ESR2: variants seen among roughly 807,000 people sequenced by gnomAD.
ESR2 encodes the protein estrogen receptor 2.
A neutral mutation model predicts 49.6 loss-of-function variants in ESR2; 36 were observed. That is an observed-to-expected ratio of 0.73 (90% CI 0.56 to 0.96). ESR2 has a LOEUF of 0.96. ESR2 is among the 40% of genes least tolerant of loss of function. The pLI is 0.00. For missense variants in ESR2, 714 were observed against 693.0 expected (o/e 1.03, Z -0.34); for synonymous variants, 320 against 266.1 (o/e 1.20, Z -1.97).
Position 64,313,350 on chromosome 14 carries a change from T to A in ESR2, c.-91+24548A>T, listed in dbSNP as rs372723478. On this transcript the variant is annotated intron_variant, in intron 1 of 8. Transcript: ENST00000358599. Reference sequence around the variant, plus strand: ...GAGATTGAAAGCAGCCTGGCCAACATGGCAAAACCCCATCTCTAATAAAAA... The same window carrying A: ...GAGATTGAAAGCAGCCTGGCCAACAAGGCAAAACCCCATCTCTAATAAAAA... Among the ~76,000 whole-genome samples the A allele has an allele frequency of 2.0e-5, 3 of 151,774 alleles. No individual in the cohort carries two copies. The East Asian group carries it at 5.8e-4, about 29-fold the overall frequency.
chr14:64,287,978 C>G (rs937941191), intron 1 of ESR2, among the ~76,000 whole-genome samples: 1 of 152,182 alleles, frequency 6.6e-6, no homozygotes, highest in African/African-American at 2.4e-5. Flanking sequence ...AGAACCAGTA[C>G]CCAGACATCC....
chr14:64,258,142 G>A (rs1236314705), intron 5 of ESR2, among the ~76,000 whole-genome samples: 3 of 152,114 alleles, frequency 2.0e-5, no homozygotes, highest in Admixed American at 1.3e-4. Flanking sequence ...CCAGGAGGTC[G>A]AGGCTGTAGT....
chr14:64,332,350 T>TATC (rs1399737508), intron 1 of ESR2: 2 of 152,172 alleles, frequency 1.3e-5, no homozygotes, highest in Non-Finnish European at 2.9e-5. Context: ...AAATGAAAGG[T>TATC]ATCAATTGGT....
At chr14:64,289,596 G>A (rs1023029570) in intron 1 of ESR2, among the ~76,000 whole-genome samples, 1 of 152,144 alleles carries the variant, frequency 6.6e-6, no homozygotes, top group African/African-American at 2.4e-5. Context: ...GATGAAGCCA[G>A]TCTATTGGTA....
chr14:64,269,720 C>T (rs1341758802), intron 3 of ESR2, among the ~76,000 whole-genome samples: 4 of 152,156 alleles, frequency 2.6e-5, no homozygotes, highest in Admixed American at 2.6e-4. Flanking sequence ...AACTCAAAGA[C>T]ACAGAAGTAC....
rs542635660 is a variant in ESR2, at chr14:64,312,781, C to G, written c.-91+25117G>C. On this transcript the variant is annotated intron_variant, in intron 1 of 8. Transcript: ENST00000358599. ...AAAATTATCCAGGCATGGTGGTGCA[C>G]ATCTGCAATTCCAGCTACTTGGGAG... Among the ~76,000 whole-genome samples, 20 of 152,178 alleles carry G rather than the reference C, an allele frequency of 1.3e-4. No individual in the cohort carries two copies. The South Asian group carries it at 1.5e-3, about 11-fold the overall frequency.
At chr14:64,333,365 A>T (rs1278971166) in intron 1 of ESR2, among the ~76,000 whole-genome samples, 1 of 152,168 alleles carries the variant, frequency 6.6e-6, no homozygotes, top group African/African-American at 2.4e-5. Context: ...TTAAAGATAC[A>T]ATATGTTCCT....
chr14:64,237,322 G>A (rs1041216251), intron 7 of ESR2, among the ~76,000 whole-genome samples: 1 of 152,166 alleles, frequency 6.6e-6, no homozygotes, highest in Non-Finnish European at 1.5e-5. Flanking sequence ...GCATGCTAAT[G>A]TATGTTTTAG....
chr14:64,260,683 G>C lies in ESR2; in HGVS notation c.718C>G (p.His240Asp). Residue 240 changes from histidine (H) to aspartate (D), a missense_variant, in exon 5 of 9, where the codon CAC (histidine) becomes GAC (aspartate). His to Asp is a moderately conservative substitution (Grantham distance 81, BLOSUM62 -1). Transcript: ENST00000341099. Reference protein sequence around the residue: ...RRQRSADEQLHCAGKAKRSGG... With the variant: ...RRQRSADEQLDCAGKAKRSGG... ...CTTCTCTTGGCCTTGCCGGCACAGT[G>C]CAGCTGCTCGTCGGCACTTCTCTGT... is the stretch of plus-strand genomic sequence containing the variant. The C allele has an allele frequency of 4.5e-6, 7 of 1,556,992 alleles. No individual in the cohort carries two copies. Among genetic ancestry groups the C allele is most frequent in the Admixed American group, 3.8e-5 (2 of 52,866 alleles).
At chr14:64,260,413 C>CA in intron 5 of ESR2, 36 bp downstream of exon 5, 1 of 1,521,408 alleles carries the variant, frequency 6.6e-7, no homozygotes. Flanking sequence ...GGCCTTTCTA[C>CA]AAGTACATGG....
At chr14:64,240,996 A>C (rs1225585335) in intron 7 of ESR2, among the ~76,000 whole-genome samples, 1 of 151,686 alleles carries the variant, frequency 6.6e-6, no homozygotes, top group Non-Finnish European at 1.5e-5. Flanking sequence ...TACAAAAAAA[A>C]TTAGCCGGGC....
rs374264697 is a variant in ESR2, at chr14:64,261,232, C to CTTTTTTTTTTTTTTTTTTTTTTTT, written c.653-485_653-484insAAAAAAAAAAAAAAAAAAAAAAAA. Among the ~76,000 whole-genome samples the CTTTTTTTTTTTTTTTTTTTTTTTT allele has an allele frequency of 5.6e-5, 5 of 88,682 alleles. 2 individuals carry two copies. The highest frequency in any genetic ancestry group is 9.3e-5 in the African/African-American group (2 of 21,394). 58.2% of individuals were successfully genotyped at this position (88,682 alleles called of 152,430 possible). ...CAGTCTTTTTAATGCTTTTATTTTT[C>CTTTTTTTTTTTTTTTTTTTTTTTT]TTTTTTCTTTTTTTTTTTTTTTTGA... On this transcript the variant is annotated intron_variant, in intron 4 of 8. Transcript: ENST00000341099.
chr14:64,253,556 CTATT>C (rs1192594723), intron 6 of ESR2, among the ~76,000 whole-genome samples: 10 of 115,684 alleles, frequency 8.6e-5, no homozygotes, highest in Non-Finnish European at 1.3e-4. Flanking sequence ...TAGGGGTACA[CTATT>C]TGTGTGTGTG....
At chr14:64,252,218 C>G (rs2076001760) in intron 6 of ESR2, among the ~76,000 whole-genome samples, 1 of 151,268 alleles carries the variant, frequency 6.6e-6, no homozygotes, top group Admixed American at 6.6e-5. Flanking sequence ...GGGGCTGAAG[C>G]AAAAGATCAC....
At chr14:64,301,891 T>G (rs910722413) in intron 1 of ESR2, among the ~76,000 whole-genome samples, 1 of 152,116 alleles carries the variant, frequency 6.6e-6, no homozygotes, top group African/African-American at 2.4e-5. Flanking sequence ...ACTTCCCAGG[T>G]GTACAGAAGC....
chr14:64,282,601 T>C, intron 2 of ESR2, 23 bp downstream of exon 2: 1 of 1,563,490 alleles, frequency 6.4e-7, no homozygotes, highest in Non-Finnish European at 8.7e-7. Flanking sequence ...GCAACTATAA[T>C]TCAGAATGAA....
chr14:64,282,112 G>A (rs1464144568), intron 2 of ESR2, among the ~76,000 whole-genome samples: 1 of 152,234 alleles, frequency 6.6e-6, no homozygotes, highest in Non-Finnish European at 1.5e-5. Flanking sequence ...GGGAGGCCAA[G>A]GCAGGTGGAT....
Position 64,268,909 on chromosome 14 carries a change from G to A in ESR2, c.538C>T (p.His180Tyr), listed in dbSNP as rs770100746. 19 of 1,570,772 alleles carry A rather than the reference G, an allele frequency of 1.2e-5. No individual in the cohort carries two copies. The highest frequency in any genetic ancestry group is 1.6e-5 in the Non-Finnish European group (18 of 1,142,054). The change falls in exon 4 of 9, where the codon CAT (histidine) becomes TAT (tyrosine). Residue 180 changes from histidine (H) to tyrosine (Y), a missense_variant and splice_region_variant. His to Tyr is a moderately conservative substitution (Grantham distance 83). Transcript: ENST00000341099. ...GTAGCTGGACAAATATAATCATTAT[G>A]TCCTATAGCAGAGTGGGAGGGAAAA... ...KAFFKRSIQG[H>Y]NDYICPATNQ...
At chr14:64,298,881 C>T (rs1437638068), upstream of ESR2, among the ~76,000 whole-genome samples, 1 of 151,816 alleles carries the variant, frequency 6.6e-6, no homozygotes, top group South Asian at 2.1e-4. Flanking sequence ...TGAAATCAAA[C>T]ATGAAGCATA....
Sources: gnomAD v4.1 joint callset for allele counts (sites outside exome capture counted in the v4.1 genomes callset) on GRCh38, gnomAD v4.1.1 for gene constraint, MANE v1.5 for transcripts, NCBI Gene and HGNC (gene_info 2026-07-23, HGNC 2026-07-21) for gene names.